The following VMP1 variants were observed in gnomAD, a reference collection of about 807,000 sequenced individuals.
VMP1 encodes ectopic P-granules autophagy protein 3 homolog.
A neutral mutation model predicts 56.0 loss-of-function variants in VMP1; 11 were observed. The observed-to-expected ratio is 0.20, with a 90% CI of 0.12 to 0.32. The LOEUF is 0.32. Among genes scored for constraint, VMP1 ranks in the 10% least tolerant of loss-of-function variants. VMP1 has a pLI of 1.00. For synonymous variants in VMP1, 149 were observed against 165.0 expected, an observed-to-expected ratio of 0.90 and a Z score of 0.74; for missense variants, 296 against 490.3, an observed-to-expected ratio of 0.60 and a Z score of 3.74.
chr17:59,830,604 G>A (rs1466309878), intron 10 of VMP1, among the ~76,000 whole-genome samples: 1 of 152,136 alleles, frequency 6.6e-6, no homozygotes, highest in Non-Finnish European at 1.5e-5. Context: ...CTCCTTACTA[G>A]AATTTATGTC....
chr17:59,809,002 C>CT, intron 8 of VMP1, 126 bp downstream of exon 8: 1 of 759,336 alleles, frequency 1.3e-6, no homozygotes, highest in South Asian at 2.2e-5. Flanking sequence ...GAATCATTCA[C>CT]CTTTTTTTTT....
intron 1 of VMP1, among the ~76,000 whole-genome samples, chr17:59,713,713 A>G (rs78246621): frequency 2.7e-5 from 4 of 148,324 alleles, no homozygotes; most frequent in Non-Finnish European, 4.5e-5. Context: ...GTTAAAAAAA[A>G]GAGAGACTTT....
intron 10 of VMP1, among the ~76,000 whole-genome samples, chr17:59,822,373 G>T (rs1196150305): frequency 7.1e-6 from 1 of 141,076 alleles, no homozygotes; most frequent in Non-Finnish European, 1.5e-5. Context: ...GTGTCGCCCA[G>T]GCTGGAGTGC....
Position 59,835,168 on chromosome 17 carries a change from G to A in VMP1, c.975-3127G>A, listed in dbSNP as rs367582142. 1.7e-3 allele frequency among the ~76,000 whole-genome samples: 254 copies of A among 150,836 alleles called. 6 individuals carry two copies. The South Asian group carries it at 0.048, about 28-fold the overall frequency. The stretch of plus-strand genomic sequence containing the variant: ...TTTTGAGACGGAGTCTCACTCTGTC[G>A]CCCAGGCTGGAGTGCAATGGCGTGG... On this transcript the variant is annotated intron_variant, in intron 10 of 11. Transcript: ENST00000262291.
At chr17:59,815,246 G>A (rs1462196171) in intron 9 of VMP1, among the ~76,000 whole-genome samples, 1 of 151,986 alleles carries the variant, frequency 6.6e-6, no homozygotes, top group African/African-American at 2.4e-5. Context: ...AAAGGCATGA[G>A]AAGAGTATCT....
chr17:59,807,199 G>GTTTTTTTTT (rs376878801), intron 7 of VMP1, among the ~76,000 whole-genome samples: 6 of 132,638 alleles, frequency 4.5e-5, no homozygotes, highest in East Asian at 2.2e-4. Flanking sequence ...TTGTTTTTTT[G>GTTTTTTTTT]TTTTTTTTTT....
chr17:59,725,785 T>C (rs893801045), intron 1 of VMP1, among the ~76,000 whole-genome samples: 2 of 152,224 alleles, frequency 1.3e-5, no homozygotes, highest in South Asian at 2.1e-4. Context: ...TATTATGTTT[T>C]CCAGAGAGAA....
intron 5 of VMP1, among the ~76,000 whole-genome samples, chr17:59,754,682 GA>G (rs1433525771): frequency 1.3e-5 from 2 of 152,148 alleles, no homozygotes; most frequent in Non-Finnish European, 2.9e-5. Flanking sequence ...AAGACCAACA[GA>G]CCCTTCTTAG....
chr17:59,789,835 CTTTTTTTTTT>C (rs754631557), intron 7 of VMP1, among the ~76,000 whole-genome samples: 1 of 85,964 alleles, frequency 1.2e-5, no homozygotes, highest in Non-Finnish European at 2.0e-5. Flanking sequence ...CTTTCTTTCC[CTTTTTTTTTT>C]TTTTTTTTTT....
intron 7 of VMP1, among the ~76,000 whole-genome samples, chr17:59,774,104 C>T (rs2036534545): frequency 6.6e-6 from 1 of 151,744 alleles, no homozygotes. Flanking sequence ...ACTCTTAATA[C>T]ACTAAAACAC....
At chr17:59,835,733 G>A (rs542344196) in intron 10 of VMP1, among the ~76,000 whole-genome samples, 96 of 150,166 alleles carry the variant, frequency 6.4e-4, no homozygotes, top group African/African-American at 2.2e-3. Context: ...CAGGTGATCC[G>A]CCCGCCTCGG....
chr17:59,740,858 T>A (rs1448515495), intron 5 of VMP1, among the ~76,000 whole-genome samples: 1 of 152,188 alleles, frequency 6.6e-6, no homozygotes, highest in African/African-American at 2.4e-5. Context: ...TAGCATTTAA[T>A]TAATTTGGAA....
intron 1 of VMP1, among the ~76,000 whole-genome samples, chr17:59,712,891 A>G (rs1446035971): frequency 6.6e-6 from 1 of 152,108 alleles, no homozygotes; most frequent in East Asian, 1.9e-4. Context: ...AGAAATGGAG[A>G]GAGAAGTTGA....
chr17:59,760,141 A>G (rs2035997949), intron 5 of VMP1, among the ~76,000 whole-genome samples: 1 of 151,530 alleles, frequency 6.6e-6, no homozygotes, highest in Non-Finnish European at 1.5e-5. Context: ...AAAAGAAAAA[A>G]AAAATTAGTG....
intron 9 of VMP1, among the ~76,000 whole-genome samples, chr17:59,813,255 T>A (rs1568195934): frequency 6.6e-6 from 1 of 152,150 alleles, no homozygotes; most frequent in Non-Finnish European, 1.5e-5. Context: ...ACAGGTTTTT[T>A]AATATTACAG....
chr17:59,783,152 C>T (rs759007221), intron 7 of VMP1, among the ~76,000 whole-genome samples: 4 of 152,024 alleles, frequency 2.6e-5, no homozygotes, highest in African/African-American at 7.3e-5. Flanking sequence ...GTCAAGATCG[C>T]GCCACTGCAA....
At chr17:59,742,483 C>CTA (rs1478398054) in intron 5 of VMP1, among the ~76,000 whole-genome samples, 1 of 151,130 alleles carries the variant, frequency 6.6e-6, no homozygotes, top group East Asian at 1.9e-4. Flanking sequence ...CACCACTGCA[C>CTA]TTTAACCTGG....
intron 7 of VMP1, among the ~76,000 whole-genome samples, chr17:59,781,600 T>C (rs1393069529): frequency 6.6e-6 from 1 of 152,180 alleles, no homozygotes; most frequent in Non-Finnish European, 1.5e-5. Context: ...TGAAATCATA[T>C]TGTTTGTTGT....
In VMP1 at chr17:59,841,155, G is replaced by A. The variant is rs2039144775; in HGVS notation, c.*1244G>A. 2.9e-6 allele frequency: 1 copy of A among 342,232 alleles called. No homozygotes were observed. Among genetic ancestry groups the A allele is most frequent in the East Asian group, 6.6e-5 (1 of 15,164 alleles). 21.2% of individuals were successfully genotyped at this position (342,232 alleles called of 1,614,324 possible). Reference sequence around the variant, plus strand: ...ATTGGGGTTCGATCTTAACAGGCCAGAAATGCCTGGGTTTTTTTGGTTTGT... The same window carrying A: ...ATTGGGGTTCGATCTTAACAGGCCAAAAATGCCTGGGTTTTTTTGGTTTGT... On this transcript the variant is annotated 3_prime_UTR_variant, in exon 12 of 12. Transcript: ENST00000262291.
Sources: gnomAD v4.1 joint callset for allele counts (sites outside exome capture counted in the v4.1 genomes callset) on GRCh38, gnomAD v4.1.1 for gene constraint, MANE v1.5 for transcripts, NCBI Gene and HGNC (gene_info 2026-07-23, HGNC 2026-07-21) for gene names.